The following CCDC178 variants were observed in gnomAD, a reference collection of about 807,000 sequenced individuals.
CCDC178 encodes coiled-coil domain-containing protein 178.
In CCDC178, 126 loss-of-function variants were observed where a neutral mutation model predicts 117.4. The observed-to-expected ratio is 1.07, with a 90% CI of 0.93 to 1.24. CCDC178 has a LOEUF of 1.24. Among genes scored for constraint, CCDC178 ranks in the 50% most tolerant of loss-of-function variants. The pLI, the probability that CCDC178 is intolerant of heterozygous loss-of-function variation, is 0.00. For missense variants in CCDC178, 1,030 were observed against 986.9 expected (o/e 1.04, Z -0.59); for synonymous variants, 283 against 313.4 (o/e 0.90, Z 1.02).
At chr18:33,315,335 A>G (rs992431950) in intron 11 of CCDC178, among the ~76,000 whole-genome samples, 13 of 152,344 alleles carry the variant, frequency 8.5e-5, no homozygotes, top group African/African-American at 3.1e-4. Context: ...AACAACGAAA[A>G]GACATTAAAA....
chr18:33,144,996 G>A lies in CCDC178; in HGVS notation c.2239-52086C>T, dbSNP rs79804138. ...CAAATATATTTAAAATAATGCATAC[G>A]CATTATTTCTCTCTAACCAACATCC... On this transcript the variant is annotated intron_variant, in intron 20 of 22. Coordinates refer to ENST00000383096, the MANE Select transcript of CCDC178 (RefSeq NM_001105528.4). Among the ~76,000 whole-genome samples, 671 of 152,118 alleles carry A rather than the reference G, an allele frequency of 4.4e-3. 6 individuals are homozygous for A. The highest frequency in any genetic ancestry group is 0.015 in the African/African-American group (638 of 41,508).
At chr18:33,307,836 T>G (rs534650919) in intron 11 of CCDC178, among the ~76,000 whole-genome samples, 2 of 152,326 alleles carry the variant, frequency 1.3e-5, no homozygotes, top group Admixed American at 6.5e-5. Context: ...CAAGCCTGGG[T>G]AGCTTACACA....
At chr18:33,319,710 G>A (rs148517803) in intron 11 of CCDC178, among the ~76,000 whole-genome samples, 2,374 of 152,232 alleles carry the variant, frequency 0.016, 35 homozygotes, top group Non-Finnish European at 0.027. Context: ...CCTGTTTCCT[G>A]ACTTTTTAAT....
intron 20 of CCDC178, among the ~76,000 whole-genome samples, chr18:33,161,529 A>G (rs1304387198): frequency 6.6e-6 from 1 of 152,164 alleles, no homozygotes; most frequent in African/African-American, 2.4e-5. Flanking sequence ...TTGGATTCCC[A>G]CCAGGCTTGT....
At chr18:32,981,122 T>C (rs1038796939) in intron 21 of CCDC178, among the ~76,000 whole-genome samples, 1 of 152,126 alleles carries the variant, frequency 6.6e-6, no homozygotes, top group South Asian at 2.1e-4. Flanking sequence ...CCAAAGAGGA[T>C]TGCTCGAGCT....
intron 9 of CCDC178, 86 bp downstream of exon 9, chr18:33,346,125 C>T (rs1374604284): frequency 9.5e-7 from 1 of 1,054,950 alleles, no homozygotes; most frequent in Non-Finnish European, 1.4e-6. Context: ...GGCACTAAGA[C>T]AATTTTTTTA....
intron 10 of CCDC178, among the ~76,000 whole-genome samples, chr18:33,332,322 T>C (rs1321427465): frequency 2.6e-5 from 4 of 152,202 alleles, no homozygotes; most frequent in Non-Finnish European, 4.4e-5. Flanking sequence ...TAACAACTTG[T>C]TTTATTTACT....
intron 21 of CCDC178, among the ~76,000 whole-genome samples, chr18:33,039,348 C>G (rs1357242934): frequency 1.3e-5 from 2 of 151,912 alleles, no homozygotes; most frequent in Non-Finnish European, 2.9e-5. Flanking sequence ...AAAAGGTGAG[C>G]AAACAAATCA....
intron 15 of CCDC178, among the ~76,000 whole-genome samples, chr18:33,238,967 G>A (rs78983670): frequency 0.059 from 8,978 of 151,960 alleles, 367 homozygotes; most frequent in Non-Finnish European, 0.085. Flanking sequence ...ATAATGGGAT[G>A]GTATATTTAA....
chr18:33,431,191 C>CTTTTTTTTTTT (rs35139388), intron 2 of CCDC178, among the ~76,000 whole-genome samples: 1 of 117,250 alleles, frequency 8.5e-6, no homozygotes, highest in Non-Finnish European at 1.7e-5. Flanking sequence ...AATGATTTAA[C>CTTTTTTTTTTT]TTTTTTTTTT....
intron 14 of CCDC178, among the ~76,000 whole-genome samples, chr18:33,257,253 G>GA (rs1311204215): frequency 1.3e-5 from 2 of 152,028 alleles, no homozygotes; most frequent in Non-Finnish European, 2.9e-5. Context: ...AAACCATTGT[G>GA]AAAAGAGGCC....
intron 21 of CCDC178, among the ~76,000 whole-genome samples, chr18:32,992,029 G>T (rs541228005): frequency 5.3e-4 from 81 of 152,284 alleles, no homozygotes; most frequent in African/African-American, 1.9e-3. Flanking sequence ...TACATAAGCT[G>T]TAAGTCAACA....
intron 5 of CCDC178, among the ~76,000 whole-genome samples, chr18:33,384,417 T>A (rs923234349): frequency 6.6e-6 from 1 of 152,016 alleles, no homozygotes; most frequent in Non-Finnish European, 1.5e-5. Context: ...ATCATCAGAT[T>A]CTCCAAGGTC....
At chr18:33,114,472 T>A (rs2057825489) in intron 20 of CCDC178, among the ~76,000 whole-genome samples, 1 of 152,036 alleles carries the variant, frequency 6.6e-6, no homozygotes, top group Non-Finnish European at 1.5e-5. Context: ...AATTGGTTCA[T>A]AATGGTTAAT....
chr18:33,076,995 C>T (rs1446139536), intron 21 of CCDC178, among the ~76,000 whole-genome samples: 1 of 152,184 alleles, frequency 6.6e-6, no homozygotes, highest in East Asian at 1.9e-4. Context: ...CCTGAACTTT[C>T]ACCATGGATT....
intron 10 of CCDC178, among the ~76,000 whole-genome samples, chr18:33,331,161 A>T (rs886719495): frequency 3.3e-5 from 5 of 151,498 alleles, no homozygotes; most frequent in Non-Finnish European, 5.9e-5. Context: ...ATCAGTGAAA[A>T]ACACAGTAAA....
chr18:33,148,231 G>A (rs113639269), intron 20 of CCDC178, among the ~76,000 whole-genome samples: 5,981 of 152,266 alleles, frequency 0.039, 392 homozygotes, highest in African/African-American at 0.13. Context: ...AGACCAGCCC[G>A]GCCAACACAG....
At chr18:33,362,867 A>G (rs2063149500) in intron 6 of CCDC178, among the ~76,000 whole-genome samples, 1 of 151,990 alleles carries the variant, frequency 6.6e-6, no homozygotes, top group African/African-American at 2.4e-5. Flanking sequence ...TACATAAACT[A>G]AATGTTACGG....
chr18:33,122,236 C>T (rs891027211), intron 20 of CCDC178, among the ~76,000 whole-genome samples: 3 of 152,040 alleles, frequency 2.0e-5, no homozygotes, highest in Non-Finnish European at 4.4e-5. Context: ...AATCTCCTTG[C>T]TGGGGATGAC....
Sources: gnomAD v4.1 joint callset for allele counts (sites outside exome capture counted in the v4.1 genomes callset) on GRCh38, gnomAD v4.1.1 for gene constraint, MANE v1.5 for transcripts, NCBI Gene and HGNC (gene_info 2026-07-23, HGNC 2026-07-21) for gene names.